The following CDYL2 variants were observed in gnomAD, a reference collection of about 807,000 sequenced individuals.
CDYL2 encodes the protein chromodomain Y-like protein 2.
A neutral mutation model predicts 49.4 loss-of-function variants in CDYL2; 23 were observed. The observed-to-expected ratio is 0.47, with a 90% CI of 0.34 to 0.66. CDYL2 has a LOEUF of 0.66. Ranked by LOEUF, CDYL2 falls within the 30% of genes least tolerant of loss-of-function variation. The pLI is 0.01. For missense variants in CDYL2, 678 were observed against 656.4 expected (o/e 1.03, Z -0.36); for synonymous variants, 360 against 268.8 (o/e 1.34, Z -3.32).
chr16:80,804,884 G>C (rs1239593688), upstream of CDYL2, among the ~76,000 whole-genome samples: 1 of 151,850 alleles, frequency 6.6e-6, no homozygotes, highest in Non-Finnish European at 1.5e-5. Flanking sequence ...AGCCCCGCCG[G>C]CCCGGGGTCC....
chr16:80,764,876 G>A (rs537985622), intron 1 of CDYL2, among the ~76,000 whole-genome samples: 3 of 151,550 alleles, frequency 2.0e-5, no homozygotes, highest in East Asian at 3.9e-4. Context: ...CTGGCTAACA[G>A]GGCGAAACCC....
intron 3 of CDYL2, among the ~76,000 whole-genome samples, chr16:80,625,148 G>C (rs913509195): frequency 1.3e-5 from 2 of 152,218 alleles, no homozygotes; most frequent in African/African-American, 4.8e-5. Context: ...TAGTCCCTTA[G>C]GTCAGATGTC....
chr16:80,631,971 ACAGTTTTTG>A (rs1907584914), intron 3 of CDYL2, among the ~76,000 whole-genome samples: 1 of 152,226 alleles, frequency 6.6e-6, no homozygotes, highest in South Asian at 2.1e-4. Flanking sequence ...ACTGTGGAAA[ACAGTTTTTG>A]CAGTTCCTCG....
At chr16:80,793,912 A>G (rs913436115) in intron 1 of CDYL2, among the ~76,000 whole-genome samples, 1 of 152,226 alleles carries the variant, frequency 6.6e-6, no homozygotes, top group Non-Finnish European at 1.5e-5. Context: ...CAGTCTCGGC[A>G]GTCAATTTCT....
At chr16:80,647,348 G>C (rs1264778845) in intron 2 of CDYL2, among the ~76,000 whole-genome samples, 10 of 151,846 alleles carry the variant, frequency 6.6e-5, no homozygotes, top group Non-Finnish European at 5.9e-5. Flanking sequence ...CACAGAAATA[G>C]AAAAAAACAA....
chr16:80,747,779 C>T (rs1363165944), intron 1 of CDYL2, among the ~76,000 whole-genome samples: 1 of 152,092 alleles, frequency 6.6e-6, no homozygotes, highest in Non-Finnish European at 1.5e-5. Context: ...GCCACATACA[C>T]CCTGCCAAGT....
intron 4 of CDYL2, among the ~76,000 whole-genome samples, chr16:80,614,203 C>T (rs1181360902): frequency 6.6e-6 from 1 of 152,210 alleles, no homozygotes; most frequent in African/African-American, 2.4e-5. Context: ...ACCAGCTCTT[C>T]ACCAAACCTG....
In CDYL2 at chr16:80,612,700, G is replaced by A. The variant is rs1232803206; in HGVS notation, c.1144C>T (p.Pro382Ser). Residue 382 changes from proline to serine, a missense_variant, in exon 5 of 7, where the codon CCC becomes TCC. This residue lies in a region of CDYL2 where 47 missense variants were observed against 78.8 expected (regional missense o/e 0.60). Transcript: ENST00000570137. This position sits in a 1 kb window ranked among gnomAD's most constrained non-coding sequence, Gnocchi z 5.0. The stretch of plus-strand genomic sequence containing the variant: ...GGCGTGAGGCGGATGGTGGCGTAGG[G>A]CGTCTGGAACCAGGCCTTCTCACTG... ...WASEKAWFQTPYATIRLTPAG... is the reference protein window; with the variant it reads ...WASEKAWFQTSYATIRLTPAG... The A allele has an allele frequency of 1.9e-6, 3 of 1,613,448 alleles. No individual in the cohort carries two copies. In the South Asian group the frequency reaches 3.3e-5, roughly 18 times the overall value.
chr16:80,652,156 A>G (rs934088758), intron 2 of CDYL2, among the ~76,000 whole-genome samples: 1 of 152,214 alleles, frequency 6.6e-6, no homozygotes, highest in African/African-American at 2.4e-5. Context: ...CCTGGGGCAC[A>G]GATACTAGTT....
rs141805981 is a variant in CDYL2, at chr16:80,652,431, A to G, written c.617-19195T>C. On this transcript the variant is annotated intron_variant, in intron 2 of 6. Coordinates refer to ENST00000570137, the MANE Select transcript of CDYL2 (RefSeq NM_152342.4). ...ATATAAAATTACCATCCATGAGTCC[A>G]TACTGCTTTAAATAAATGATTGAAT... Among the ~76,000 whole-genome samples the G allele has an allele frequency of 6.2e-3, 949 of 152,366 alleles. 6 individuals are homozygous for G. The highest frequency in any genetic ancestry group is 0.012 in the South Asian group (59 of 4,824).
intron 2 of CDYL2, among the ~76,000 whole-genome samples, chr16:80,653,653 A>G (rs1908681160): frequency 6.6e-6 from 1 of 152,200 alleles, no homozygotes. Flanking sequence ...ATCATGGAGA[A>G]TGGGGTCTCC....
rs1226211705 is a variant in CDYL2, at chr16:80,804,249, C to G, written c.-76G>C. On this transcript the variant is annotated 5_prime_UTR_variant, in exon 1 of 7. Transcript: ENST00000570137. ...CCTCCGTGCGTGTGCGCGCGGGGTCCGGTGTGCGCGTGTGTGTGCGCGCGT... is the reference window on the plus strand; with the variant it reads ...CCTCCGTGCGTGTGCGCGCGGGGTCGGGTGTGCGCGTGTGTGTGCGCGCGT... 6 of 1,276,708 alleles carry G rather than the reference C, an allele frequency of 4.7e-6. No homozygotes were observed. The highest frequency in any genetic ancestry group is 3.2e-5 in the African/African-American group (2 of 62,030). The allele number at this position is 1,276,708 out of a possible 1,614,324, so 79.1% of individuals were successfully genotyped here.
chr16:80,716,936 T>C (rs1400727687), intron 1 of CDYL2, among the ~76,000 whole-genome samples: 2 of 149,618 alleles, frequency 1.3e-5, no homozygotes, highest in Non-Finnish European at 3.0e-5. Flanking sequence ...GACAGATGAA[T>C]GGATAGATAA....
At chr16:80,707,368 G>A (rs778718900) in intron 1 of CDYL2, among the ~76,000 whole-genome samples, 7 of 152,148 alleles carry the variant, frequency 4.6e-5, no homozygotes, top group Non-Finnish European at 1.0e-4. Flanking sequence ...GGCTAATGCA[G>A]GAGGATCACT....
chr16:80,653,282 A>G (rs1011163973), intron 2 of CDYL2, among the ~76,000 whole-genome samples: 3 of 152,216 alleles, frequency 2.0e-5, no homozygotes, highest in African/African-American at 7.2e-5. Flanking sequence ...CCTGATCAAC[A>G]TGGAGATATT....
In CDYL2 at chr16:80,633,329, G is replaced by T. The variant is rs185857732; in HGVS notation, c.617-93C>A. ...GGACGTTGGGATTTCCAATGGAAAG[G>T]TTTGGATGTGCTGGGACACACCACC... On this transcript the variant is annotated intron_variant, in intron 2 of 6. Coordinates refer to ENST00000570137, the MANE Select transcript of CDYL2 (RefSeq NM_152342.4). 684 of 1,300,554 alleles carry T rather than the reference G, an allele frequency of 5.3e-4. 2 individuals carry two copies. Among genetic ancestry groups the T allele is most frequent in the Non-Finnish European group, 7.0e-4 (648 of 921,446 alleles). 80.6% of individuals were successfully genotyped at this position (1,300,554 alleles called of 1,614,324 possible).
intron 1 of CDYL2, among the ~76,000 whole-genome samples, chr16:80,694,698 C>T (rs1910552145): frequency 6.6e-6 from 1 of 151,976 alleles, no homozygotes; most frequent in Admixed American, 6.5e-5. Context: ...GCAGTCACAC[C>T]CTACTATCAA....
At chr16:80,778,730 G>A (rs1430824792) in intron 1 of CDYL2, among the ~76,000 whole-genome samples, 3 of 151,828 alleles carry the variant, frequency 2.0e-5, no homozygotes, top group Non-Finnish European at 4.4e-5. Context: ...AAAAAATTTT[G>A]GAAAGAAATG....
chr16:80,726,265 T>C (rs1453240924), intron 1 of CDYL2, among the ~76,000 whole-genome samples: 1 of 152,210 alleles, frequency 6.6e-6, no homozygotes, highest in African/African-American at 2.4e-5. Context: ...TATTCATCCA[T>C]AGGTTTTCTC....
Sources: allele counts gnomAD v4.1 joint callset (sites outside exome capture counted in the v4.1 genomes callset), GRCh38; gene constraint gnomAD v4.1.1; regional missense constraint gnomAD v4.1.1; non-coding constraint Gnocchi (gnomAD v3.1); transcripts MANE v1.5; gene names NCBI Gene and HGNC (gene_info 2026-07-23, HGNC 2026-07-21).